The following CCDC85A variants were observed in gnomAD, a reference collection of about 807,000 sequenced individuals.
CCDC85A encodes coiled-coil domain containing 85A.
CCDC85A carries 38 observed loss-of-function variants against 50.2 expected under a neutral mutation model. That is an observed-to-expected ratio of 0.76 (90% confidence interval 0.58 to 0.99). CCDC85A has a LOEUF of 0.99. Among genes scored for constraint, CCDC85A ranks in the 50% least tolerant of loss-of-function variants. The pLI, the probability that CCDC85A is intolerant of heterozygous loss-of-function variation, is 0.00. For missense variants in CCDC85A, 820 were observed against 742.0 expected, an observed-to-expected ratio of 1.11 and a Z score of -1.22; for synonymous variants, 366 against 301.4, an observed-to-expected ratio of 1.21 and a Z score of -2.22.
At chr2:56,253,259 T>G (rs149166649) in intron 2 of CCDC85A, among the ~76,000 whole-genome samples, 132 of 152,264 alleles carry the variant, frequency 8.7e-4, no homozygotes, top group Non-Finnish European at 1.6e-3. Context: ...ATAAGCTGCT[T>G]TAGAGATTTT....
rs1676764562 is a variant in CCDC85A, at chr2:56,385,148, C to T, written c.*793C>T. ...GTGTATCCATTGGTGTTAATATTAA[C>T]AATTTCAACTAAAAACAACAAACAT... On this transcript the variant is annotated 3_prime_UTR_variant, in exon 6 of 6. Coordinates refer to ENST00000407595, the MANE Select transcript of CCDC85A (RefSeq NM_001080433.2). The T allele has an allele frequency of 6.6e-6, 1 of 152,026 alleles. No individual in the cohort carries two copies. Among genetic ancestry groups the T allele is most frequent in the African/African-American group, 2.4e-5 (1 of 41,334 alleles). The allele number at this position is 152,026 out of a possible 1,614,324, so 9.4% of individuals were successfully genotyped here.
chr2:56,308,726 A>G (rs1672556923), intron 2 of CCDC85A, among the ~76,000 whole-genome samples: 1 of 152,208 alleles, frequency 6.6e-6, no homozygotes, highest in South Asian at 2.1e-4. Context: ...ACTCATATGT[A>G]TTGAAAGTCC....
At chr2:56,358,045 G>A (rs1333266679) in intron 3 of CCDC85A, among the ~76,000 whole-genome samples, 3 of 152,142 alleles carry the variant, frequency 2.0e-5, no homozygotes, top group African/African-American at 7.2e-5. Context: ...TTTGTGTCCA[G>A]ATTTTCTGTT....
chr2:56,365,019 G>A lies in CCDC85A; in HGVS notation c.1318-7325G>A, dbSNP rs892134569. ...AGAATAAATTTCAAATCCTTCTTAC[G>A]GCATGGGAGATTTCCCATGCAACTC... On this transcript the variant is annotated intron_variant, in intron 3 of 5. Transcript: ENST00000407595. 2.6e-5 allele frequency among the ~76,000 whole-genome samples: 4 copies of A among 151,938 alleles called. No homozygotes were observed. In the East Asian group the frequency reaches 5.8e-4, roughly 22 times the overall value.
chr2:56,344,929 CAAA>C (rs111805515), intron 3 of CCDC85A, among the ~76,000 whole-genome samples: 1 of 143,168 alleles, frequency 7.0e-6, no homozygotes, highest in Non-Finnish European at 1.6e-5. Context: ...GCCATCTTAT[CAAA>C]AAAAAAAAGA....
At chr2:56,209,664 T>G (rs1005807545) in intron 2 of CCDC85A, among the ~76,000 whole-genome samples, 1 of 152,096 alleles carries the variant, frequency 6.6e-6, no homozygotes, top group Non-Finnish European at 1.5e-5. Context: ...AGTTTAAGAC[T>G]GAAGGGGACC....
chr2:56,238,059 C>T (rs1669098243), intron 2 of CCDC85A, among the ~76,000 whole-genome samples: 1 of 152,054 alleles, frequency 6.6e-6, no homozygotes, highest in Non-Finnish European at 1.5e-5. Flanking sequence ...GACTTGAATC[C>T]CTGGTCCGCC....
chr2:56,341,604 C>T (rs545419497), intron 2 of CCDC85A, among the ~76,000 whole-genome samples: 13 of 152,282 alleles, frequency 8.5e-5, no homozygotes, highest in South Asian at 4.1e-4. Flanking sequence ...TCAGATTGTT[C>T]CCAGAAATAA....
Position 56,184,354 on chromosome 2 carries a change from A to T in CCDC85A, c.-271A>T. 2.1e-6 allele frequency: 1 copy of T among 485,192 alleles called. No individual in the cohort carries two copies. Among genetic ancestry groups the T allele is most frequent in the Non-Finnish European group, 3.0e-6 (1 of 333,022 alleles). The allele number at this position is 485,192 out of a possible 1,614,324, so 30.1% of individuals were successfully genotyped here. The stretch of plus-strand genomic sequence containing the variant: ...AGCCCCGGGCTCCCCAGTGCCCCTC[A>T]CCATGGACTTGCGCGGAGTTGGGAC... On this transcript the variant is annotated 5_prime_UTR_variant, in exon 1 of 6. Transcript: ENST00000407595.
chr2:56,219,045 A>G (rs868379371), intron 2 of CCDC85A, among the ~76,000 whole-genome samples: 8 of 151,146 alleles, frequency 5.3e-5, no homozygotes, highest in Admixed American at 6.6e-5. Context: ...TTTTTTTTGA[A>G]TGAACTGAAA....
At chr2:56,202,277 A>G (rs916228025) in intron 2 of CCDC85A, among the ~76,000 whole-genome samples, 3 of 152,220 alleles carry the variant, frequency 2.0e-5, no homozygotes, top group Non-Finnish European at 4.4e-5. Context: ...GCCAGATGGG[A>G]CACACAGTTC....
intron 3 of CCDC85A, among the ~76,000 whole-genome samples, chr2:56,349,494 A>G (rs1674795946): frequency 6.6e-6 from 1 of 152,172 alleles, no homozygotes; most frequent in Non-Finnish European, 1.5e-5. Flanking sequence ...GTCAGAGAAA[A>G]TGTCAGAGAG....
chr2:56,219,901 C>T (rs566801872), intron 2 of CCDC85A, among the ~76,000 whole-genome samples: 9 of 151,916 alleles, frequency 5.9e-5, no homozygotes, highest in South Asian at 2.1e-4. Context: ...ATAGTAGAAA[C>T]GACAGAGCCA....
intron 2 of CCDC85A, among the ~76,000 whole-genome samples, chr2:56,247,903 TAAGCTATTTAGAGAGGCCC>T (rs1669581531): frequency 6.6e-6 from 1 of 152,220 alleles, no homozygotes; most frequent in Non-Finnish European, 1.5e-5. Flanking sequence ...GCTGGTACTA[TAAGCTATTTAGAGAGGCCC>T]AAGCCATTCA....
chr2:56,243,874 A>G (rs1316622709), intron 2 of CCDC85A, among the ~76,000 whole-genome samples: 2 of 152,236 alleles, frequency 1.3e-5, no homozygotes, highest in Non-Finnish European at 2.9e-5. Context: ...CAGTGATACC[A>G]TAGTTCTTGC....
intron 3 of CCDC85A, among the ~76,000 whole-genome samples, chr2:56,344,426 A>G (rs1174804271): frequency 1.3e-5 from 2 of 152,144 alleles, no homozygotes; most frequent in Non-Finnish European, 2.9e-5. Flanking sequence ...ACACTACTCA[A>G]AACGGCCCAC....
At chr2:56,267,417 T>C (rs189960894) in intron 2 of CCDC85A, among the ~76,000 whole-genome samples, 27 of 152,340 alleles carry the variant, frequency 1.8e-4, no homozygotes, top group Non-Finnish European at 3.4e-4. Flanking sequence ...ATTACCTTTT[T>C]ACATATGGCG....
At chr2:56,211,511 G>A (rs1677177587) in intron 2 of CCDC85A, among the ~76,000 whole-genome samples, 1 of 151,854 alleles carries the variant, frequency 6.6e-6, no homozygotes, top group African/African-American at 2.4e-5. Context: ...ATCTTATTTA[G>A]TAGTGCTATA....
chr2:56,211,131 C>T (rs1173737972), intron 2 of CCDC85A, among the ~76,000 whole-genome samples: 2 of 152,008 alleles, frequency 1.3e-5, no homozygotes, highest in African/African-American at 4.8e-5. Context: ...TAGATAAACT[C>T]TAAATTCTAG....
Sources: allele counts gnomAD v4.1 joint callset (sites outside exome capture counted in the v4.1 genomes callset), GRCh38; gene constraint gnomAD v4.1.1; transcripts MANE v1.5; gene names NCBI Gene and HGNC (gene_info 2026-07-23, HGNC 2026-07-21).